The following EYS variants were observed in gnomAD, a reference collection of about 807,000 sequenced individuals.
The protein encoded by EYS is EGF-like photoreceptor maintenance factor.
In EYS, 250 loss-of-function variants were observed where a neutral mutation model predicts 282.1. That is an observed-to-expected ratio of 0.89 (90% confidence interval 0.80 to 0.98). EYS has a LOEUF of 0.98. Among genes scored for constraint, EYS ranks in the 50% least tolerant of loss-of-function variants. The pLI is 0.00. For missense variants in EYS, 4,016 were observed against 3,709.0 expected, an observed-to-expected ratio of 1.08 and a Z score of -2.15; for synonymous variants, 1,355 against 1,282.9, an observed-to-expected ratio of 1.06 and a Z score of -1.20.
chr6:64,090,577 G>T (rs1772321854), intron 31 of EYS, among the ~76,000 whole-genome samples: 1 of 151,980 alleles, frequency 6.6e-6, no homozygotes, highest in Non-Finnish European at 1.5e-5. Flanking sequence ...TTAAATGCAG[G>T]CAGAGTGGCT....
At chr6:63,952,135 G>T (rs543015368) in intron 35 of EYS, among the ~76,000 whole-genome samples, 1 of 152,330 alleles carries the variant, frequency 6.6e-6, no homozygotes, top group South Asian at 2.1e-4. Context: ...AAGCCACAGC[G>T]GTTAAGCATT....
chr6:65,158,241 TAGA>T lies in EYS; in HGVS notation c.2024-100517_2024-100515del, dbSNP rs1321595134. 7.9e-5 allele frequency among the ~76,000 whole-genome samples: 12 copies of T among 151,022 alleles called. No homozygotes were observed. In the East Asian group the frequency reaches 2.1e-3, roughly 27 times the overall value. ...AACTGCATAAAACAACCAAATATTTTAGAAGAAGAAATATTATAAGGAATGTAT... is the reference window on the plus strand; with the variant it reads ...AACTGCATAAAACAACCAAATATTTTAGAAGAAATATTATAAGGAATGTAT... On this transcript the variant is annotated intron_variant, in intron 12 of 42. Coordinates refer to ENST00000503581, the MANE Select transcript of EYS (RefSeq NM_001142800.2).
At chr6:64,985,913 C>A (rs2150119473) in intron 14 of EYS, among the ~76,000 whole-genome samples, 1 of 151,640 alleles carries the variant, frequency 6.6e-6, no homozygotes, top group Admixed American at 6.6e-5. Context: ...AACTGTCCAG[C>A]AGTCTGCTCT....
intron 22 of EYS, among the ~76,000 whole-genome samples, chr6:64,732,580 A>G (rs1267536036): frequency 6.6e-6 from 1 of 152,202 alleles, no homozygotes; most frequent in Admixed American, 6.5e-5. Context: ...AGGGAATCGT[A>G]AGTATAAATT....
chr6:64,853,380 AT>A (rs762418060), intron 19 of EYS, among the ~76,000 whole-genome samples: 3 of 152,124 alleles, frequency 2.0e-5, no homozygotes, highest in Non-Finnish European at 4.4e-5. Context: ...CCATTAGATA[AT>A]TTTGTGTCCA....
At chr6:65,374,032 A>G (rs149172072) in intron 8 of EYS, among the ~76,000 whole-genome samples, 286 of 152,300 alleles carry the variant, frequency 1.9e-3, no homozygotes, top group African/African-American at 6.3e-3. Context: ...TGATATCTTC[A>G]TAGTGCCTTA....
chr6:64,091,369 C>T (rs1209917672), intron 31 of EYS, among the ~76,000 whole-genome samples: 2 of 152,112 alleles, frequency 1.3e-5, no homozygotes, highest in African/African-American at 4.8e-5. Context: ...TTTCTTCCCT[C>T]ACCCCCAGAT....
At chr6:65,597,023 A>T (rs1765432597) in intron 2 of EYS, among the ~76,000 whole-genome samples, 1 of 152,098 alleles carries the variant, frequency 6.6e-6, no homozygotes, top group Non-Finnish European at 1.5e-5. Context: ...CAGATTCACA[A>T]AGGATCAGAA....
intron 33 of EYS, among the ~76,000 whole-genome samples, chr6:64,039,951 T>A (rs1770306096): frequency 6.6e-6 from 1 of 152,198 alleles, no homozygotes; most frequent in African/African-American, 2.4e-5. Context: ...ATTGCATACT[T>A]AAATATGTTC....
chr6:65,141,455 C>T (rs9453202), intron 12 of EYS, among the ~76,000 whole-genome samples: 5,152 of 151,706 alleles, frequency 0.034, 223 homozygotes, highest in African/African-American at 0.1. Flanking sequence ...AACTAACCTG[C>T]ACATTGTGCA....
chr6:65,399,413 A>G (rs1766409278), intron 7 of EYS, among the ~76,000 whole-genome samples: 1 of 151,990 alleles, frequency 6.6e-6, no homozygotes, highest in African/African-American at 2.4e-5. Context: ...TATATAATGA[A>G]TCAAATAAAT....
chr6:64,967,177 C>T (rs1770123264), intron 14 of EYS, among the ~76,000 whole-genome samples: 1 of 152,146 alleles, frequency 6.6e-6, no homozygotes, highest in African/African-American at 2.4e-5. Flanking sequence ...AGTCCTACTT[C>T]ATAGCAGCCA....
intron 22 of EYS, among the ~76,000 whole-genome samples, chr6:64,657,472 T>C (rs1369453433): frequency 1.3e-5 from 2 of 152,232 alleles, no homozygotes; most frequent in African/African-American, 4.8e-5. Flanking sequence ...CAATTTGGCA[T>C]GTTTTTGCAG....
At chr6:64,319,493 G>A (rs1770119422) in intron 29 of EYS, among the ~76,000 whole-genome samples, 1 of 151,970 alleles carries the variant, frequency 6.6e-6, no homozygotes, top group Non-Finnish European at 1.5e-5. Context: ...CTGCTCCCAT[G>A]TTACTAAGGA....
chr6:64,094,937 G>T (rs1437271134), intron 31 of EYS, among the ~76,000 whole-genome samples: 2 of 152,188 alleles, frequency 1.3e-5, no homozygotes, highest in East Asian at 1.9e-4. Flanking sequence ...GTGTCCCAGA[G>T]ATTCTGGTAT....
chr6:65,273,914 ACAAT>A (rs1356104536), intron 12 of EYS, among the ~76,000 whole-genome samples: 1 of 152,138 alleles, frequency 6.6e-6, no homozygotes, highest in African/African-American at 2.4e-5. Context: ...GTTTCCCGCA[ACAAT>A]CAGACCTTTT....
intron 22 of EYS, among the ~76,000 whole-genome samples, chr6:64,745,383 G>A (rs1772522121): frequency 6.6e-6 from 1 of 152,068 alleles, no homozygotes; most frequent in African/African-American, 2.4e-5. Context: ...AGTTTATTTT[G>A]TTAATGAATA....
At chr6:64,932,232 G>C (rs1768750863) in intron 15 of EYS, among the ~76,000 whole-genome samples, 1 of 151,972 alleles carries the variant, frequency 6.6e-6, no homozygotes, top group South Asian at 2.1e-4. Context: ...CTAATAGCCA[G>C]TGGAGGGGGA....
At chr6:64,346,154 G>A (rs1450562056) in intron 29 of EYS, among the ~76,000 whole-genome samples, 3 of 152,058 alleles carry the variant, frequency 2.0e-5, no homozygotes, top group East Asian at 3.9e-4. Context: ...TGGTTCCTCA[G>A]GGATCTAGAA....
Sources: allele counts gnomAD v4.1 joint callset (sites outside exome capture counted in the v4.1 genomes callset), GRCh38; gene constraint gnomAD v4.1.1; transcripts MANE v1.5; gene names NCBI Gene and HGNC (gene_info 2026-07-23, HGNC 2026-07-21).